Variants in GFM2 observed in about 807,000 individuals in gnomAD.
GFM2 encodes ribosome-releasing factor 2, mitochondrial.
GFM2 carries 72 observed loss-of-function variants against 95.4 expected under a neutral mutation model. That is an observed-to-expected ratio of 0.76 (90% CI 0.62 to 0.92). The LOEUF (loss-of-function observed/expected upper bound fraction) is 0.92. Ranked by LOEUF, GFM2 falls within the 40% of genes least tolerant of loss-of-function variation. The pLI, the probability that GFM2 is intolerant of heterozygous loss-of-function variation, is 0.00. For synonymous variants in GFM2, 276 were observed against 317.5 expected (o/e 0.87, Z 1.39); for missense variants, 825 against 924.1 (o/e 0.89, Z 1.39).
At chr5:74,726,969 C>A (rs1284560276) in intron 17 of GFM2, among the ~76,000 whole-genome samples, 1 of 152,128 alleles carries the variant, frequency 6.6e-6, no homozygotes, top group East Asian at 1.9e-4. Flanking sequence ...GAATTTGAGA[C>A]TAGCCTGGGC....
intron 15 of GFM2, 182 bp from the exon 16 acceptor site, chr5:74,733,280 C>A: frequency 2.0e-6 from 1 of 490,412 alleles, no homozygotes; most frequent in Non-Finnish European, 3.6e-6. Flanking sequence ...CGCTTGAGCC[C>A]AGGAGTTTGC....
At chr5:74,728,523 A>T (rs879295000) in intron 17 of GFM2, among the ~76,000 whole-genome samples, 3 of 152,112 alleles carry the variant, frequency 2.0e-5, no homozygotes, top group Non-Finnish European at 4.4e-5. Context: ...ACCTGCATAC[A>T]TACTTTAAAC....
At chr5:74,727,865 C>CA (rs761097622) in intron 17 of GFM2, among the ~76,000 whole-genome samples, 4 of 151,980 alleles carry the variant, frequency 2.6e-5, no homozygotes, top group Admixed American at 6.6e-5. Context: ...TCTATCATGT[C>CA]AAAAAACTTA....
In GFM2 at chr5:74,721,546, T is replaced by G. The variant is rs1377213543; in HGVS notation, c.*109A>C. On this transcript the variant is annotated 3_prime_UTR_variant, in exon 21 of 21. Coordinates refer to ENST00000296805, the MANE Select transcript of GFM2 (RefSeq NM_032380.5). Reference sequence around the variant, plus strand: ...TATATCTTTTATCTAGTTCTCTGAATGTACTGAAACAGTACTTTATTCGTC... The same window carrying G: ...TATATCTTTTATCTAGTTCTCTGAAGGTACTGAAACAGTACTTTATTCGTC... 8.7e-7 allele frequency: 1 copy of G among 1,152,276 alleles called. No homozygotes were observed. Among genetic ancestry groups the G allele is most frequent in the African/African-American group, 1.6e-5 (1 of 64,108 alleles). The allele number at this position is 1,152,276 out of a possible 1,614,324, so 71.4% of individuals were successfully genotyped here. A position where few individuals can be genotyped will look rare whatever the true frequency, so the allele number is the denominator to read the frequency against.
chr5:74,728,841 C>T (rs1452643068), intron 17 of GFM2, among the ~76,000 whole-genome samples: 3 of 133,328 alleles, frequency 2.3e-5, no homozygotes, highest in Admixed American at 9.2e-5. Flanking sequence ...ACTGCAACTT[C>T]GCCTCTGGGA....
At chr5:74,759,637 A>G (rs1300427424) in intron 3 of GFM2, among the ~76,000 whole-genome samples, 1 of 152,180 alleles carries the variant, frequency 6.6e-6, no homozygotes, top group East Asian at 1.9e-4. Context: ...AAAAGTTTTA[A>G]ACATCAAGTT....
In GFM2 at chr5:74,738,535, T is replaced by C. The variant is rs780130081; in HGVS notation, c.1187A>G (p.Gln396Arg). 5 of 1,613,504 alleles carry C rather than the reference T, an allele frequency of 3.1e-6. No individual in the cohort carries two copies. In the South Asian group the frequency reaches 5.5e-5, roughly 18 times the overall value. The change falls in exon 13 of 21, where the codon CAG becomes CGG. Residue 396 changes from glutamine to arginine, a missense_variant. Coordinates refer to ENST00000296805, the MANE Select transcript of GFM2 (RefSeq NM_032380.5). ...MRIYSGTIKP[Q>R]LAIHNINGNC... ...TCCATTAATATTATGAATGGCCAACTGGGGTTTTATAGTGCCTGAGTAAAT... is the reference window on the plus strand; with the variant it reads ...TCCATTAATATTATGAATGGCCAACCGGGGTTTTATAGTGCCTGAGTAAAT...
At chr5:74,744,485 A>C (rs1743281353) in intron 10 of GFM2, among the ~76,000 whole-genome samples, 1 of 152,136 alleles carries the variant, frequency 6.6e-6, no homozygotes, top group South Asian at 2.1e-4. Flanking sequence ...TTTCTCTACC[A>C]TAATATTCAA....
rs1001060658 is a variant in GFM2 at position 74,728,436 on chromosome 5, G to A, written c.1726+1824C>T. ...TCGTCATCTTTGCACTGAATAGCCT[G>A]AGGAGTAAGAAAAGGAGGGGTTTGG... On this transcript the variant is annotated intron_variant, in intron 17 of 20. Transcript: ENST00000296805. 5.1e-4 allele frequency among the ~76,000 whole-genome samples: 77 copies of A among 152,162 alleles called. 1 individual carries two copies. The highest frequency in any genetic ancestry group is 1.0e-4 in the Non-Finnish European group (7 of 68,042).
intron 10 of GFM2, among the ~76,000 whole-genome samples, chr5:74,742,196 A>G (rs1743143309): frequency 6.6e-6 from 1 of 152,150 alleles, no homozygotes; most frequent in Admixed American, 6.5e-5. Context: ...TCAGCTGACA[A>G]ATTAATAAAA....
rs62366412 is a variant in GFM2, at chr5:74,765,256, T to G, written c.-24-1490A>C. 33,026 of 318,434 alleles carry G rather than the reference T, an allele frequency of 0.1. 2,042 individuals are homozygous for G. The highest frequency in any genetic ancestry group is 0.14 in the East Asian group (979 of 6,854). 19.7% of individuals were successfully genotyped at this position (318,434 alleles called of 1,614,324 possible). A position where few individuals can be genotyped will look rare whatever the true frequency, so the allele number is the denominator to read the frequency against. On this transcript the variant is annotated intron_variant, in intron 1 of 20. Transcript: ENST00000296805. Reference sequence around the variant, plus strand: ...CCCAAGCCTATTCGTTCCCATTTATTCAACAAGAATTTACTGTGTGTCTGC... The same window carrying G: ...CCCAAGCCTATTCGTTCCCATTTATGCAACAAGAATTTACTGTGTGTCTGC...
intron 1 of GFM2, among the ~76,000 whole-genome samples, chr5:74,766,262 C>T (rs1185153087): frequency 2.0e-5 from 3 of 152,220 alleles, no homozygotes; most frequent in Non-Finnish European, 4.4e-5. Context: ...CGAGCTCGTG[C>T]CCCTGCACTC....
rs529451525 is a variant in GFM2 at position 74,749,837 on chromosome 5, C to A, written c.519+742G>T. On this transcript the variant is annotated intron_variant, in intron 7 of 20. Transcript: ENST00000296805. ...GAATCAACTTTTGTTATTTATGTTT[C>A]ATGCTTCTTATGTCCTCTAAGAAAT... Among the ~76,000 whole-genome samples the A allele has an allele frequency of 1.1e-3, 164 of 152,096 alleles. 1 individual carries two copies. Among genetic ancestry groups the A allele is most frequent in the Non-Finnish European group, 2.2e-4 (15 of 67,976 alleles).
In GFM2 at chr5:74,750,662, C is replaced by T. The variant is rs1447054298; in HGVS notation, c.436G>A (p.Val146Met). 2 of 1,611,812 alleles carry T rather than the reference C, an allele frequency of 1.2e-6. No homozygotes were observed. The highest frequency in any genetic ancestry group is 1.7e-6 in the Non-Finnish European group (2 of 1,178,372). ...CGCTCAACCTCCAAGGTAAAGTCCA[C>T]ATGACCTAAGAAAAAGATAAGACGT... ...RVNLIDTPGHVDFTLEVERCL... is the reference protein window; with the variant it reads ...RVNLIDTPGHMDFTLEVERCL... The change falls in exon 7 of 21, where the codon GTG (valine) becomes ATG (methionine). Residue 146 changes from valine (V) to methionine (M), a missense_variant. Val to Met is a conservative substitution (Grantham distance 21). Coordinates refer to ENST00000296805, the MANE Select transcript of GFM2 (RefSeq NM_032380.5).
intron 12 of GFM2, among the ~76,000 whole-genome samples, chr5:74,738,923 C>G (rs1742978067): frequency 6.6e-6 from 1 of 152,066 alleles, no homozygotes; most frequent in South Asian, 2.1e-4. Context: ...GAAGGCTATA[C>G]CTGGGAATAT....
chr5:74,759,004 A>C, intron 4 of GFM2, 58 bp from the exon 5 acceptor site: 1 of 977,406 alleles, frequency 1.0e-6, no homozygotes, highest in East Asian at 2.4e-5. Context: ...CAAAGTATAT[A>C]TGCTATCCAA....
Position 74,763,778 on chromosome 5 carries a change from A to C in GFM2, c.-24-12T>G. On this transcript the variant is annotated splice_polypyrimidine_tract_variant and intron_variant, in intron 1 of 20. Transcript: ENST00000296805. The stretch of plus-strand genomic sequence containing the variant: ...CAAACTGTTACTGTCTGAAAAAATA[A>C]ATATACAAAATCAAAAAACTAAACT... The C allele has an allele frequency of 6.4e-7, 1 of 1,551,108 alleles. No individual in the cohort carries two copies. The highest frequency in any genetic ancestry group is 8.9e-7 in the Non-Finnish European group (1 of 1,125,724).
At chr5:74,728,614 T>A (rs1750259269) in intron 17 of GFM2, among the ~76,000 whole-genome samples, 2 of 152,170 alleles carry the variant, frequency 1.3e-5, no homozygotes, top group Non-Finnish European at 2.9e-5. Flanking sequence ...CTACATCTCA[T>A]AATTCCAATA....
intron 5 of GFM2, among the ~76,000 whole-genome samples, chr5:74,758,262 C>G (rs1450472022): frequency 2.0e-5 from 3 of 152,098 alleles, no homozygotes; most frequent in Non-Finnish European, 4.4e-5. Context: ...GAAAAAACAA[C>G]TTCTGATTGG....
Sources: allele counts gnomAD v4.1 joint callset (sites outside exome capture counted in the v4.1 genomes callset), GRCh38; gene constraint gnomAD v4.1.1; transcripts MANE v1.5; gene names NCBI Gene and HGNC (gene_info 2026-07-23, HGNC 2026-07-21).